Variants in RAB11FIP4 observed in about 807,000 individuals in gnomAD.
RAB11FIP4 encodes RAB11 family interacting protein 4, also known as rab11 family-interacting protein 4.
In RAB11FIP4, 23 loss-of-function variants were observed where a neutral mutation model predicts 74.3. The ratio of observed to expected loss-of-function variants is 0.31; its 90% CI spans 0.22 to 0.44. The LOEUF is 0.44. Ranked by LOEUF, RAB11FIP4 falls within the 20% of genes least tolerant of loss-of-function variation. The pLI, the probability that RAB11FIP4 is intolerant of heterozygous loss-of-function variation, is 1.00. For missense variants in RAB11FIP4, 630 were observed against 863.9 expected (o/e 0.73, Z 3.39); for synonymous variants, 360 against 359.9 (o/e 1.00, Z 0.00).
At chr17:31,432,003 C>A in intron 2 of RAB11FIP4, 103 bp downstream of exon 2, 1 of 863,872 alleles carries the variant, frequency 1.2e-6, no homozygotes, top group South Asian at 1.6e-5. Context: ...CCACAGGGGT[C>A]CCAGAGCCCA....
intron 3 of RAB11FIP4, among the ~76,000 whole-genome samples, chr17:31,457,002 G>A (rs2071584885): frequency 6.6e-6 from 1 of 152,116 alleles, no homozygotes; most frequent in Admixed American, 6.5e-5. Context: ...ACTGGTGCGG[G>A]GAGGTAGGTT....
chr17:31,432,083 G>T (rs771418749), intron 2 of RAB11FIP4, among the ~76,000 whole-genome samples, 183 bp downstream of exon 2: 4 of 152,152 alleles, frequency 2.6e-5, no homozygotes, highest in Non-Finnish European at 4.4e-5. Flanking sequence ...TGTTGCCCCA[G>T]CCGTGGGGGG....
At chr17:31,471,674 C>T (rs1014373575) in intron 3 of RAB11FIP4, among the ~76,000 whole-genome samples, 5 of 151,808 alleles carry the variant, frequency 3.3e-5, no homozygotes, top group African/African-American at 9.7e-5. Flanking sequence ...TGCTGGGGGA[C>T]AGTCTGGGTG....
chr17:31,513,101 G>A (rs2072482137), intron 3 of RAB11FIP4, among the ~76,000 whole-genome samples: 1 of 152,104 alleles, frequency 6.6e-6, no homozygotes. Flanking sequence ...GCATAGTGCG[G>A]TGAGGTGGGG....
At chr17:31,413,363 T>C in intron 1 of RAB11FIP4, among the ~76,000 whole-genome samples, 1 of 152,094 alleles carries the variant, frequency 6.6e-6, no homozygotes, top group East Asian at 1.9e-4. Flanking sequence ...TTTCAAACTA[T>C]GCTGAGAGCC....
intron 1 of RAB11FIP4, among the ~76,000 whole-genome samples, chr17:31,393,615 T>A (rs762779061): frequency 6.6e-6 from 1 of 152,184 alleles, no homozygotes; most frequent in South Asian, 2.1e-4. Context: ...GCTTGTCACT[T>A]AGTCATCACC....
intron 1 of RAB11FIP4, chr17:31,431,444 A>C: frequency 4.9e-6 from 1 of 203,350 alleles, no homozygotes; most frequent in Non-Finnish European, 9.8e-6. Context: ...AAATGGTGGG[A>C]TTTCTGGGTC....
chr17:31,454,189 C>T (rs979473605), intron 3 of RAB11FIP4, among the ~76,000 whole-genome samples: 1 of 152,218 alleles, frequency 6.6e-6, no homozygotes, highest in Non-Finnish European at 1.5e-5. Context: ...AGAGATTAAA[C>T]AGCTGTTCTC....
chr17:31,497,833 C>T (rs2072145770), intron 3 of RAB11FIP4, among the ~76,000 whole-genome samples: 1 of 152,092 alleles, frequency 6.6e-6, no homozygotes, highest in African/African-American at 2.4e-5. Flanking sequence ...CCTTGTTTTC[C>T]TTGGAGATCT....
chr17:31,490,509 C>T (rs2071987990), intron 3 of RAB11FIP4, among the ~76,000 whole-genome samples: 1 of 151,914 alleles, frequency 6.6e-6, no homozygotes, highest in South Asian at 2.1e-4. Context: ...AAAGGGCATG[C>T]TGTTTCCTGG....
chr17:31,449,334 T>C (rs2142700859), intron 3 of RAB11FIP4, among the ~76,000 whole-genome samples: 1 of 152,098 alleles, frequency 6.6e-6, no homozygotes, highest in African/African-American at 2.4e-5. Context: ...CCCTGCTGGG[T>C]CCTTTCCATT....
At chr17:31,416,576 G>T (rs1244308381) in intron 1 of RAB11FIP4, among the ~76,000 whole-genome samples, 1 of 152,194 alleles carries the variant, frequency 6.6e-6, no homozygotes, top group Non-Finnish European at 1.5e-5. Context: ...GGGTCCTATT[G>T]TGTGCCCTGA....
At chr17:31,414,967 C>T (rs1216453029) in intron 1 of RAB11FIP4, among the ~76,000 whole-genome samples, 1 of 152,222 alleles carries the variant, frequency 6.6e-6, no homozygotes, top group African/African-American at 2.4e-5. Context: ...GACCCAATCC[C>T]CTTCCATTGA....
In RAB11FIP4 at chr17:31,525,097, G is replaced by C; in HGVS notation, c.1141G>C (p.Glu381Gln). Reference protein sequence around the residue: ...ENTQLVHRVHELEEMVKDQET... With the variant: ...ENTQLVHRVHQLEEMVKDQET... ...CCATTGCGCTGTCCTCAGGGTGCAT[G>C]AGCTGGAGGAGATGGTGAAGGATCA... Residue 381 changes from glutamate (E) to glutamine (Q), a missense_variant, in exon 10 of 15, where the codon GAG becomes CAG. Transcript: ENST00000621161. 2 of 1,550,542 alleles carry C rather than the reference G, an allele frequency of 1.3e-6. No individual in the cohort carries two copies. Among genetic ancestry groups the C allele is most frequent in the Non-Finnish European group, 1.7e-6 (2 of 1,147,122 alleles).
chr17:31,427,534 G>A (rs1404243434), intron 1 of RAB11FIP4, among the ~76,000 whole-genome samples: 1 of 152,214 alleles, frequency 6.6e-6, no homozygotes, highest in Non-Finnish European at 1.5e-5. Context: ...GGGAGCTGTG[G>A]ACACAGGGAT....
At chr17:31,467,257 G>C (rs1423746693) in intron 3 of RAB11FIP4, among the ~76,000 whole-genome samples, 1 of 151,918 alleles carries the variant, frequency 6.6e-6, no homozygotes, top group East Asian at 1.9e-4. Context: ...GACTACAGGC[G>C]CATGCCACCA....
intron 1 of RAB11FIP4, among the ~76,000 whole-genome samples, chr17:31,419,553 CTTTTTTT>C (rs559266824): frequency 7.2e-6 from 1 of 138,276 alleles, no homozygotes; most frequent in East Asian, 2.0e-4. Flanking sequence ...TTTCTTTTTT[CTTTTTTT>C]TTTTTTTTGA....
chr17:31,521,133 C>A, intron 4 of RAB11FIP4, 33 bp from the exon 5 acceptor site: 1 of 1,487,734 alleles, frequency 6.7e-7, no homozygotes, highest in Non-Finnish European at 9.0e-7. Context: ...ACCCATGAGT[C>A]CTCCTCTGAC....
chr17:31,537,168 T>C lies in RAB11FIP4; in HGVS notation c.*5436T>C, dbSNP rs1597995815. On this transcript the variant is annotated 3_prime_UTR_variant, in exon 15 of 15. Transcript: ENST00000621161. ...CTTCCCCATCGCCACTGTACAGGAT[T>C]TTCCACATTGCCCACTGCCTCCTTT... 2.5e-6 allele frequency: 1 copy of C among 399,692 alleles called. No individual in the cohort carries two copies. Among genetic ancestry groups the C allele is most frequent in the Non-Finnish European group, 4.4e-6 (1 of 226,390 alleles). 24.8% of individuals were successfully genotyped at this position (399,692 alleles called of 1,614,324 possible).
Sources: gnomAD v4.1 joint callset for allele counts (sites outside exome capture counted in the v4.1 genomes callset) on GRCh38, gnomAD v4.1.1 for gene constraint, MANE v1.5 for transcripts, NCBI Gene and HGNC (gene_info 2026-07-23, HGNC 2026-07-21) for gene names.